The following GATAD2B variants were observed in gnomAD, a reference collection of about 807,000 sequenced individuals.
The protein encoded by GATAD2B is GATA zinc finger domain containing 2B, also known as transcriptional repressor p66-beta.
Under a neutral mutation model 64.3 loss-of-function variants are expected in GATAD2B, and 8 were observed. The observed-to-expected ratio is 0.12, with a 90% CI of 0.07 to 0.22. The LOEUF is 0.22. Among genes scored for constraint, GATAD2B ranks in the 10% least tolerant of loss-of-function variants. The pLI is 1.00. For synonymous variants in GATAD2B, 281 were observed against 271.3 expected (o/e 1.04, Z -0.35); for missense variants, 453 against 752.0 (o/e 0.60, Z 4.65).
chr1:153,852,642 G>C (rs543744339), intron 1 of GATAD2B: 13 of 830,046 alleles, frequency 1.6e-5, no homozygotes, highest in Non-Finnish European at 2.6e-5. Flanking sequence ...CAAGTGAACA[G>C]AAGAACGGAG....
At position 153,848,498 on chromosome 1, in the gene GATAD2B, C is replaced by T. The variant is rs188936181; in HGVS notation, c.-1-20150G>A. ...CTCATGATCCTTTATTCTTAGTCTT[C>T]ACTAGTTTCTACTCATCTTTCCACC... On this transcript the variant is annotated intron_variant, in intron 1 of 10. Transcript: ENST00000368655. 2.6e-3 allele frequency among the ~76,000 whole-genome samples: 393 copies of T among 152,274 alleles called. 1 individual carries two copies. The highest frequency in any genetic ancestry group is 8.9e-3 in the African/African-American group (372 of 41,574).
intron 1 of GATAD2B, among the ~76,000 whole-genome samples, chr1:153,901,715 T>C (rs1387812291): frequency 1.3e-5 from 2 of 150,998 alleles, no homozygotes; most frequent in Non-Finnish European, 1.5e-5. Context: ...TCCCAGCTAT[T>C]TGAGAGACTG....
At chr1:153,911,105 A>C (rs1346937399) in intron 1 of GATAD2B, among the ~76,000 whole-genome samples, 1 of 152,210 alleles carries the variant, frequency 6.6e-6, no homozygotes, top group Non-Finnish European at 1.5e-5. Context: ...TGTTCCAGGG[A>C]ATAAAGTGAA....
At position 153,917,951 on chromosome 1, in the gene GATAD2B, T is replaced by C. The variant is rs115228380; in HGVS notation, c.-2+4782A>G. ...ATAAGACTTCATTAAAAAGGTGACA[T>C]TTAAGCAAAGACGTTAAGGAGGTGA... On this transcript the variant is annotated intron_variant, in intron 1 of 10. Transcript: ENST00000368655. 6.3e-3 allele frequency among the ~76,000 whole-genome samples: 962 copies of C among 152,328 alleles called. 12 individuals carry two copies. The highest frequency in any genetic ancestry group is 0.022 in the African/African-American group (923 of 41,578).
intron 1 of GATAD2B, among the ~76,000 whole-genome samples, chr1:153,837,377 C>A (rs12404347): frequency 0.09 from 13,060 of 145,572 alleles, 781 homozygotes; most frequent in East Asian, 0.17. Flanking sequence ...ACAAAACAAA[C>A]AAAAAAAAAA....
chr1:153,909,071 G>A (rs1453824618), intron 1 of GATAD2B, among the ~76,000 whole-genome samples: 1 of 152,068 alleles, frequency 6.6e-6, no homozygotes, highest in Non-Finnish European at 1.5e-5. Context: ...TGGGTATGGT[G>A]GCATGTGCCT....
intron 3 of GATAD2B, 59 bp downstream of exon 3, chr1:153,819,547 G>T: frequency 8.4e-7 from 1 of 1,185,520 alleles, no homozygotes; most frequent in Non-Finnish European, 1.2e-6. Flanking sequence ...AATCTCTTGA[G>T]GAATTAAATA....
intron 2 of GATAD2B, among the ~76,000 whole-genome samples, chr1:153,821,883 C>T (rs972642668): frequency 3.3e-5 from 5 of 151,456 alleles, no homozygotes; most frequent in African/African-American, 1.2e-4. Context: ...ATTTTTAAAG[C>T]GTGATTTACT....
intron 1 of GATAD2B, among the ~76,000 whole-genome samples, chr1:153,834,550 C>T (rs959606339): frequency 2.0e-5 from 3 of 151,836 alleles, no homozygotes; most frequent in African/African-American, 7.3e-5. Context: ...CACCCCAGGC[C>T]CAGCTAATTT....
At position 153,917,439 on chromosome 1, in the gene GATAD2B, G is replaced by A. The variant is rs184526655; in HGVS notation, c.-2+5294C>T. Among the ~76,000 whole-genome samples, 447 of 148,244 alleles carry A rather than the reference G, an allele frequency of 3.0e-3. 3 individuals are homozygous for A. Among genetic ancestry groups the A allele is most frequent in the South Asian group, 7.2e-3 (34 of 4,710 alleles). On this transcript the variant is annotated intron_variant, in intron 1 of 10. Transcript: ENST00000368655. Reference sequence around the variant, plus strand: ...AAACTGAGTCTCACGCTATCACCCAGGCTGGAGTGCAATGGTGCAATCTCG... The same window carrying A: ...AAACTGAGTCTCACGCTATCACCCAAGCTGGAGTGCAATGGTGCAATCTCG...
intron 2 of GATAD2B, among the ~76,000 whole-genome samples, chr1:153,821,479 G>A (rs1287104545): frequency 2.0e-5 from 3 of 152,168 alleles, no homozygotes; most frequent in African/African-American, 7.2e-5. Flanking sequence ...AGCTGAGAAG[G>A]TAGAAATACA....
In GATAD2B at chr1:153,808,075, T is replaced by C. The variant is rs1217118560; in HGVS notation, c.*2102A>G. ...GAATATATCTTTATATATATATATATAATTTTAAAATAATCCCAGACCCAG... is the reference window on the plus strand; with the variant it reads ...GAATATATCTTTATATATATATATACAATTTTAAAATAATCCCAGACCCAG... On this transcript the variant is annotated 3_prime_UTR_variant, in exon 11 of 11. Transcript: ENST00000368655. 1 of 151,844 alleles carries C rather than the reference T, an allele frequency of 6.6e-6. No homozygotes were observed. The highest frequency in any genetic ancestry group is 2.4e-5 in the African/African-American group (1 of 41,372). The allele number at this position is 151,844 out of a possible 1,614,324, so 9.4% of individuals were successfully genotyped here. A position where few individuals can be genotyped will look rare whatever the true frequency, so the allele number is the denominator to read the frequency against.
At chr1:153,851,656 T>C (rs1675901108) in intron 1 of GATAD2B, among the ~76,000 whole-genome samples, 1 of 152,188 alleles carries the variant, frequency 6.6e-6, no homozygotes, top group Non-Finnish European at 1.5e-5. Flanking sequence ...TCAAAGGTAG[T>C]ATTCCTATTT....
intron 1 of GATAD2B, among the ~76,000 whole-genome samples, chr1:153,848,297 A>G (rs953825863): frequency 2.6e-5 from 4 of 152,130 alleles, no homozygotes; most frequent in African/African-American, 9.7e-5. Context: ...CAATATAAAG[A>G]GATTATTTTT....
intron 8 of GATAD2B, among the ~76,000 whole-genome samples, chr1:153,812,487 T>TC (rs1674328815): frequency 6.6e-6 from 1 of 152,190 alleles, no homozygotes; most frequent in African/African-American, 2.4e-5. Flanking sequence ...CAAGGGATCC[T>TC]CCTCTCTTTC....
At chr1:153,837,980 T>C (rs1000008109) in intron 1 of GATAD2B, among the ~76,000 whole-genome samples, 1 of 152,250 alleles carries the variant, frequency 6.6e-6, no homozygotes, top group Admixed American at 6.5e-5. Flanking sequence ...TTCTTACTTA[T>C]ATATTTTTTT....
intron 1 of GATAD2B, among the ~76,000 whole-genome samples, chr1:153,866,145 A>C (rs921572645): frequency 6.0e-5 from 9 of 148,784 alleles, no homozygotes; most frequent in African/African-American, 2.2e-4. Flanking sequence ...CGGAGGTTGC[A>C]GTGAGCTGAG....
At chr1:153,921,577 A>C (rs576359029) in intron 1 of GATAD2B, among the ~76,000 whole-genome samples, 1 of 149,740 alleles carries the variant, frequency 6.7e-6, no homozygotes, top group Non-Finnish European at 1.5e-5. Context: ...GTATCCCCCC[A>C]TCTCTCTCTC....
At chr1:153,877,887 T>TAAAAAAAAAA in intron 1 of GATAD2B, among the ~76,000 whole-genome samples, 1 of 110,868 alleles carries the variant, frequency 9.0e-6, no homozygotes, top group Non-Finnish European at 2.0e-5. Context: ...CAAAAAAACT[T>TAAAAAAAAAA]AAAAAAAAAA....
Sources: gnomAD v4.1 joint callset for allele counts (sites outside exome capture counted in the v4.1 genomes callset) on GRCh38, gnomAD v4.1.1 for gene constraint, MANE v1.5 for transcripts, NCBI Gene and HGNC (gene_info 2026-07-23, HGNC 2026-07-21) for gene names.